PCDH11X: variants seen among roughly 807,000 people sequenced by gnomAD.
The protein encoded by PCDH11X is protocadherin 11 X-linked, also known as protocadherin-11 X-linked.
Under a neutral mutation model 53.3 loss-of-function variants are expected in PCDH11X, and 18 were observed. The observed-to-expected ratio is 0.34, with a 90% CI of 0.23 to 0.50. The LOEUF is 0.50. Ranked by LOEUF, PCDH11X falls within the 20% of genes least tolerant of loss-of-function variation. PCDH11X has a pLI of 0.98. For missense variants in PCDH11X, 570 were observed against 1,032.4 expected, an observed-to-expected ratio of 0.55 and a Z score of 6.14; for synonymous variants, 279 against 393.3, an observed-to-expected ratio of 0.71 and a Z score of 3.44.
rs766078916 is a variant in PCDH11X at position 92,480,391 on chromosome X, G to C, written c.3367+12069G>C. Among the ~76,000 whole-genome samples the C allele has an allele frequency of 1.5e-3, 168 of 111,299 alleles. 1 individual carries two copies. Among genetic ancestry groups the C allele is most frequent in the African/African-American group, 5.3e-3 (161 of 30,429 alleles). On this transcript the variant is annotated intron_variant, in intron 10 of 10. Coordinates refer to ENST00000682573, the MANE Select transcript of PCDH11X (RefSeq NM_032968.5). ...AGCCCAGTGAAGAACCGTTGCTAGA[G>C]AGCTGGTGTGGTCATTTGGAGGAAA...
intron 8 of PCDH11X, among the ~76,000 whole-genome samples, chrX:92,320,380 A>G (rs2069172998): frequency 9.0e-6 from 1 of 110,743 alleles, no homozygotes; most frequent in South Asian, 3.9e-4. Flanking sequence ...TAACAAATGG[A>G]CAATGATCTC....
chrX:92,245,224 T>C (rs1311578532), intron 7 of PCDH11X, among the ~76,000 whole-genome samples: 1 of 112,530 alleles, frequency 8.9e-6, no homozygotes, highest in Non-Finnish European at 1.9e-5. Context: ...GACCCTATCT[T>C]ATGCAGTTTT....
chrX:92,001,835 TC>T (rs2062516459), intron 6 of PCDH11X, among the ~76,000 whole-genome samples: 8 of 110,024 alleles, frequency 7.3e-5, no homozygotes, highest in Admixed American at 5.9e-4. Context: ...AAATATTTTC[TC>T]CCATTCTGTA....
intron 6 of PCDH11X, among the ~76,000 whole-genome samples, chrX:91,942,885 G>C (rs753710646): frequency 1.8e-5 from 2 of 108,966 alleles, no homozygotes; most frequent in South Asian, 4.0e-4. Flanking sequence ...TAGGATGCAA[G>C]GATGGTTTAG....
In PCDH11X at chrX:92,293,581, CCACTG is replaced by C. The variant is rs771754064; in HGVS notation, c.3144+30443_3144+30447del. On this transcript the variant is annotated intron_variant, in intron 8 of 10. Coordinates refer to ENST00000682573, the MANE Select transcript of PCDH11X (RefSeq NM_032968.5). Reference sequence around the variant, plus strand: ...GAGCTGGCAGTAAGCCGAGATCGCGCCACTGCACTCCAGCCTGGGCGACAGAGCGA... The same window carrying C: ...GAGCTGGCAGTAAGCCGAGATCGCGCCACTCCAGCCTGGGCGACAGAGCGA... Among the ~76,000 whole-genome samples the C allele has an allele frequency of 1.6e-4, 17 of 104,974 alleles. No individual in the cohort carries two copies. The East Asian group carries it at 4.2e-3, about 26-fold the overall frequency. The allele number at this position is 104,974 out of a possible 115,157, so 91.2% of individuals were successfully genotyped here. A position where few individuals can be genotyped will look rare whatever the true frequency, so the allele number is the denominator to read the frequency against.
chrX:92,251,630 G>T (rs760514450), intron 7 of PCDH11X, among the ~76,000 whole-genome samples: 111 of 110,744 alleles, frequency 1.0e-3, no homozygotes, highest in African/African-American at 3.6e-3. Context: ...ACATCGTAGG[G>T]TCAATGTAAG....
intron 10 of PCDH11X, among the ~76,000 whole-genome samples, chrX:92,540,588 TC>T (rs2074738324): frequency 9.9e-6 from 1 of 101,146 alleles, no homozygotes; most frequent in Admixed American, 1.2e-4. Context: ...CAAAACAAAG[TC>T]TTCATTATTT....
chrX:92,104,231 T>C (rs1390683388), intron 6 of PCDH11X, among the ~76,000 whole-genome samples: 20 of 109,071 alleles, frequency 1.8e-4, no homozygotes, highest in African/African-American at 2.3e-4. Flanking sequence ...AAAAAGATTA[T>C]AGGGTGGAGG....
chrX:92,317,673 G>T (rs35896610), intron 8 of PCDH11X, among the ~76,000 whole-genome samples: 4 of 111,348 alleles, frequency 3.6e-5, no homozygotes, highest in Non-Finnish European at 5.7e-5. Context: ...ATTTTTTTCG[G>T]TCATTAATAT....
intron 4 of PCDH11X, among the ~76,000 whole-genome samples, chrX:91,815,590 T>C (rs1347809161): frequency 9.1e-6 from 1 of 109,528 alleles, no homozygotes; most frequent in Middle Eastern, 4.7e-3. Context: ...AATTATTTTT[T>C]CATATACTTG....
chrX:92,556,353 G>C (rs2075045886), intron 10 of PCDH11X, among the ~76,000 whole-genome samples: 2 of 111,523 alleles, frequency 1.8e-5, no homozygotes, highest in Admixed American at 9.5e-5. Flanking sequence ...TTCTGCCTGT[G>C]AGCCTGTAAA....
chrX:91,824,608 C>T (rs898130997), intron 4 of PCDH11X, among the ~76,000 whole-genome samples: 2 of 102,188 alleles, frequency 2.0e-5, no homozygotes, highest in Non-Finnish European at 1.9e-5. Context: ...AACTTCTTTG[C>T]CTTTGGTTTG....
At chrX:91,845,045 G>A (rs1937602735) in intron 5 of PCDH11X, among the ~76,000 whole-genome samples, 1 of 111,718 alleles carries the variant, frequency 9.0e-6, no homozygotes, top group African/African-American at 3.2e-5. Flanking sequence ...ATTACTTTTA[G>A]TTGAACAGAG....
At chrX:92,293,433 G>A (rs1219390412) in intron 8 of PCDH11X, among the ~76,000 whole-genome samples, 2 of 109,486 alleles carry the variant, frequency 1.8e-5, no homozygotes, top group African/African-American at 6.7e-5. Context: ...GACCATCCTG[G>A]CTAACACAGT....
chrX:91,820,821 C>G (rs1197787600), intron 4 of PCDH11X, among the ~76,000 whole-genome samples: 1 of 101,684 alleles, frequency 9.8e-6, no homozygotes, highest in Non-Finnish European at 1.9e-5. Context: ...ACGTTTAAGT[C>G]TTTAATCCAT....
intron 5 of PCDH11X, among the ~76,000 whole-genome samples, chrX:91,869,917 G>C (rs1205212457): frequency 9.0e-6 from 1 of 111,710 alleles, no homozygotes; most frequent in Non-Finnish European, 1.9e-5. Context: ...AATGAAACAA[G>C]TAAAAAAGAG....
intron 8 of PCDH11X, 84 bp downstream of exon 8, chrX:92,263,227 T>G: frequency 1.3e-6 from 1 of 799,539 alleles, no homozygotes. Flanking sequence ...TCCATGGAGT[T>G]AAAACTGTAA....
intron 4 of PCDH11X, among the ~76,000 whole-genome samples, chrX:91,824,408 A>T (rs544188102): frequency 9.2e-6 from 1 of 108,109 alleles, no homozygotes; most frequent in Non-Finnish European, 1.9e-5. Flanking sequence ...TTCCCTTCTC[A>T]CTTCATTTCA....
At chrX:92,256,199 G>A (rs1393022848) in intron 7 of PCDH11X, among the ~76,000 whole-genome samples, 4 of 111,586 alleles carry the variant, frequency 3.6e-5, no homozygotes, top group African/African-American at 1.3e-4. Context: ...CGATTTTCCC[G>A]ATTTTCCAGG....
Sources: gnomAD v4.1 joint callset for allele counts (sites outside exome capture counted in the v4.1 genomes callset) on GRCh38, gnomAD v4.1.1 for gene constraint, MANE v1.5 for transcripts, NCBI Gene and HGNC (gene_info 2026-07-23, HGNC 2026-07-21) for gene names.